The following DMD variants were observed in gnomAD, a reference collection of about 807,000 sequenced individuals.
The protein encoded by DMD is mutant dystrophin.
DMD carries 63 observed loss-of-function variants against 330.1 expected under a neutral mutation model. That is an observed-to-expected ratio of 0.19 (90% CI 0.16 to 0.24). DMD has a LOEUF of 0.24. Among genes scored for constraint, DMD ranks in the 10% least tolerant of loss-of-function variants. DMD has a pLI of 1.00. For synonymous variants in DMD, 1,223 were observed against 959.8 expected (o/e 1.27, Z -5.07); for missense variants, 3,344 against 2,684.1 (o/e 1.25, Z -5.43).
At position 31,758,321 on chromosome X, in the gene DMD, G is replaced by T. The variant is rs752386509; in HGVS notation, c.7542+15639C>A. 2.4e-4 allele frequency among the ~76,000 whole-genome samples: 26 copies of T among 110,566 alleles called. No individual in the cohort carries two copies. The Admixed American group carries it at 2.5e-3, about 11-fold the overall frequency. On this transcript the variant is annotated intron_variant, in intron 51 of 78. Transcript: ENST00000357033. ...GTAGACTTCCTGCATATCTCTCAGG[G>T]GTCAAACACACCTGTTTGTGGCCAC...
At chrX:31,161,484 G>A (rs1442768941) in intron 74 of DMD, among the ~76,000 whole-genome samples, 2 of 111,667 alleles carry the variant, frequency 1.8e-5, no homozygotes, top group Non-Finnish European at 3.8e-5. Context: ...TTCTCTCCAT[G>A]CACTAACCCT....
intron 2 of DMD, among the ~76,000 whole-genome samples, chrX:32,998,650 T>TACAC (rs74957846): frequency 3.0e-4 from 32 of 107,273 alleles, no homozygotes; most frequent in South Asian, 1.2e-3. Flanking sequence ...TATGTTTATA[T>TACAC]ACACACACAC....
At chrX:33,132,037 C>A (rs961448494) in intron 1 of DMD, among the ~76,000 whole-genome samples, 1 of 112,044 alleles carries the variant, frequency 8.9e-6, no homozygotes, top group Admixed American at 9.5e-5. Flanking sequence ...TAGGTTAAAA[C>A]CTAGTTCATA....
intron 62 of DMD, among the ~76,000 whole-genome samples, chrX:31,316,163 T>G (rs1242658195): frequency 8.9e-6 from 1 of 112,134 alleles, no homozygotes; most frequent in Non-Finnish European, 1.9e-5. Context: ...AGCACCAAAC[T>G]GTAGGAGCTA....
chrX:33,289,255 T>A lies in DMD; in HGVS notation c.7+50004A>T, dbSNP rs181667664. On this transcript the variant is annotated intron_variant, in intron 1 of 17. Coordinates refer to the DMD transcript ENST00000288447. ...GAAATTGTTTTAAAACATAATTTTT[T>A]AAAATAAGGTGTAAACGCTCATTCA... Among the ~76,000 whole-genome samples the A allele has an allele frequency of 1.9e-3, 211 of 110,887 alleles. 1 individual carries two copies. Among genetic ancestry groups the A allele is most frequent in the Middle Eastern group, 4.7e-3 (1 of 214 alleles).
At chrX:32,491,583 G>A (rs2043003760) in intron 19 of DMD, 65 bp from the exon 20 acceptor site, 3 of 1,039,780 alleles carry the variant, frequency 2.9e-6, no homozygotes, top group Admixed American at 2.4e-5. Context: ...TGATCTGAAA[G>A]CCAACACATC....
At chrX:32,750,164 T>C (rs2070628223) in intron 7 of DMD, among the ~76,000 whole-genome samples, 1 of 112,397 alleles carries the variant, frequency 8.9e-6, no homozygotes, top group African/African-American at 3.2e-5. Flanking sequence ...CGGAAAATCA[T>C]GTATATTGCT....
intron 2 of DMD, among the ~76,000 whole-genome samples, chrX:32,906,185 C>G (rs976271275): frequency 5.4e-5 from 6 of 111,457 alleles, no homozygotes. Context: ...GGTGTAGCAC[C>G]ATCCCCTTGA....
chrX:32,307,879 T>C (rs331315), intron 42 of DMD, among the ~76,000 whole-genome samples: 16,406 of 110,590 alleles, frequency 0.15, 1,115 homozygotes, highest in Non-Finnish European at 0.21. Flanking sequence ...TTCCAAAAAA[T>C]TGCAATTCTT....
At chrX:32,419,561 TATAAA>T (rs1292762863) in intron 29 of DMD, among the ~76,000 whole-genome samples, 1 of 112,414 alleles carries the variant, frequency 8.9e-6, no homozygotes, top group African/African-American at 3.2e-5. Flanking sequence ...ATCCTTTAAA[TATAAA>T]ATAAAGAAGG....
chrX:32,129,563 GAA>G (rs1184246922), intron 44 of DMD, among the ~76,000 whole-genome samples: 2 of 110,890 alleles, frequency 1.8e-5, no homozygotes, highest in Non-Finnish European at 3.8e-5. Context: ...AATGTGAAAT[GAA>G]AGAGTTATTC....
intron 51 of DMD, among the ~76,000 whole-genome samples, chrX:31,731,012 G>A (rs1198417676): frequency 8.9e-6 from 1 of 111,858 alleles, no homozygotes; most frequent in Non-Finnish European, 1.9e-5. Flanking sequence ...TGAAGAGGTA[G>A]GGAGACAGGC....
intron 44 of DMD, among the ~76,000 whole-genome samples, chrX:32,132,057 A>G (rs932811478): frequency 4.5e-5 from 5 of 112,254 alleles, no homozygotes; most frequent in Non-Finnish European, 5.6e-5. Context: ...TTAGGGATGA[A>G]GGCTTTTTAA....
chrX:32,700,541 T>C (rs1471924703), intron 7 of DMD, among the ~76,000 whole-genome samples: 1 of 110,848 alleles, frequency 9.0e-6, no homozygotes, highest in East Asian at 2.8e-4. Flanking sequence ...GCTGCGAGAG[T>C]AGATATTAAG....
chrX:33,008,716 T>C (rs967064963), intron 2 of DMD, among the ~76,000 whole-genome samples: 6 of 100,000 alleles, frequency 6.0e-5, no homozygotes, highest in African/African-American at 1.1e-4. Context: ...AAACACAAAA[T>C]AACTAGGATT....
intron 74 of DMD, among the ~76,000 whole-genome samples, chrX:31,149,638 T>A (rs767342278): frequency 8.9e-6 from 1 of 112,212 alleles, no homozygotes; most frequent in East Asian, 2.8e-4. Flanking sequence ...TTTTACTTGT[T>A]ACTCTTTTTT....
chrX:33,003,938 TTATTC>T (rs2093342632), intron 2 of DMD, among the ~76,000 whole-genome samples: 1 of 112,418 alleles, frequency 8.9e-6, no homozygotes, highest in Non-Finnish European at 1.9e-5. Flanking sequence ...TGCTATGACT[TTATTC>T]TTAAAAGAGA....
intron 29 of DMD, among the ~76,000 whole-genome samples, chrX:32,418,350 T>A (rs1603633047): frequency 9.0e-6 from 1 of 111,363 alleles, no homozygotes; most frequent in South Asian, 3.7e-4. Context: ...GAAAATGGTT[T>A]ACGGGAGGTC....
chrX:32,143,868 G>A (rs974761340), intron 44 of DMD, among the ~76,000 whole-genome samples: 5 of 109,639 alleles, frequency 4.6e-5, no homozygotes, highest in East Asian at 2.9e-4. Flanking sequence ...ATCTTTATAT[G>A]TTTACTGTCT....
Sources: gnomAD v4.1 joint callset for allele counts (sites outside exome capture counted in the v4.1 genomes callset) on GRCh38, gnomAD v4.1.1 for gene constraint, MANE v1.5 for transcripts, NCBI Gene and HGNC (gene_info 2026-07-23, HGNC 2026-07-21) for gene names.